The following MAPKAP1 variants were observed in gnomAD, a reference collection of about 807,000 sequenced individuals.
MAPKAP1 encodes MAPK associated protein 1.
Under a neutral mutation model 65.7 loss-of-function variants are expected in MAPKAP1, and 20 were observed. The observed-to-expected ratio is 0.30, with a 90% CI of 0.21 to 0.44. MAPKAP1 has a LOEUF of 0.44. MAPKAP1 is among the 20% of genes least tolerant of loss of function. The pLI is 1.00. For synonymous variants in MAPKAP1, 222 were observed against 244.3 expected (o/e 0.91, Z 0.85); for missense variants, 423 against 648.0 (o/e 0.65, Z 3.77).
chr9:125,706,816 T>C (rs934850069), intron 1 of MAPKAP1, among the ~76,000 whole-genome samples, 155 bp downstream of exon 1: 1 of 151,820 alleles, frequency 6.6e-6, no homozygotes, highest in Non-Finnish European at 1.5e-5. Context: ...GTTCTGGAAA[T>C]GGCCAGGAAA....
chr9:125,573,475 AG>A (rs1831301493), intron 5 of MAPKAP1, among the ~76,000 whole-genome samples: 1 of 152,234 alleles, frequency 6.6e-6, no homozygotes, highest in Admixed American at 6.5e-5. Context: ...CATATCAGCA[AG>A]AAATAACCAT....
chr9:125,692,931 T>C (rs1172709428), intron 1 of MAPKAP1, among the ~76,000 whole-genome samples: 1 of 152,210 alleles, frequency 6.6e-6, no homozygotes, highest in Non-Finnish European at 1.5e-5. Flanking sequence ...TCGTGACCTG[T>C]GTAAAGGTAA....
chr9:125,499,614 G>C (rs1482226224), intron 8 of MAPKAP1, among the ~76,000 whole-genome samples: 1 of 152,158 alleles, frequency 6.6e-6, no homozygotes, highest in African/African-American at 2.4e-5. Context: ...GTTCATGTTC[G>C]GAAGTAGAGT....
chr9:125,694,328 C>CA (rs549167983), intron 1 of MAPKAP1, among the ~76,000 whole-genome samples: 37 of 137,390 alleles, frequency 2.7e-4, no homozygotes, highest in South Asian at 4.7e-4. Context: ...ACTCCATTTC[C>CA]AAAAAAAAAA....
chr9:125,650,397 G>T (rs631287), intron 4 of MAPKAP1: 1 of 151,900 alleles, frequency 6.6e-6, no homozygotes, highest in Admixed American at 6.6e-5. Context: ...TTTTCACCAC[G>T]ATCTACTTCA....
chr9:125,697,677 ATTTC>A (rs1379633837), intron 1 of MAPKAP1, among the ~76,000 whole-genome samples: 2 of 152,304 alleles, frequency 1.3e-5, no homozygotes, highest in African/African-American at 2.4e-5. Context: ...GACATCTCTG[ATTTC>A]TTTAATAAAG....
chr9:125,608,915 CA>C (rs1371763752), intron 4 of MAPKAP1, among the ~76,000 whole-genome samples: 1 of 151,904 alleles, frequency 6.6e-6, no homozygotes, highest in Non-Finnish European at 1.5e-5. Flanking sequence ...TTTGGGCATG[CA>C]AAAAAATAGA....
At chr9:125,671,136 A>G (rs978840947) in intron 2 of MAPKAP1, among the ~76,000 whole-genome samples, 1 of 152,208 alleles carries the variant, frequency 6.6e-6, no homozygotes, top group Non-Finnish European at 1.5e-5. Context: ...GTCATATAAG[A>G]TATCATCTCA....
chr9:125,699,898 A>G (rs1194431576), intron 1 of MAPKAP1, among the ~76,000 whole-genome samples: 2 of 152,222 alleles, frequency 1.3e-5, no homozygotes, highest in African/African-American at 4.8e-5. Context: ...TAAAGGTGTG[A>G]GCCAGCAAAT....
intron 4 of MAPKAP1, among the ~76,000 whole-genome samples, chr9:125,643,704 C>T (rs994695681): frequency 7.2e-5 from 11 of 152,178 alleles, no homozygotes; most frequent in East Asian, 3.9e-4. Context: ...TTTGTATATA[C>T]GTTTCTGATT....
intron 9 of MAPKAP1, among the ~76,000 whole-genome samples, chr9:125,478,618 TCCTGC>T (rs1225867549): frequency 3.9e-5 from 6 of 152,138 alleles, no homozygotes; most frequent in Non-Finnish European, 5.9e-5. Context: ...ATCTGAGCCA[TCCTGC>T]CCAGTCTGGG....
chr9:125,542,872 G>A, intron 7 of MAPKAP1, 187 bp downstream of exon 7: 1 of 746,550 alleles, frequency 1.3e-6, no homozygotes, highest in South Asian at 1.4e-5. Context: ...ATATGCCGCT[G>A]ACCCAGTCCC....
chr9:125,498,336 G>A (rs530210053), intron 8 of MAPKAP1, among the ~76,000 whole-genome samples: 106 of 152,262 alleles, frequency 7.0e-4, no homozygotes, highest in African/African-American at 2.2e-3. Context: ...TCTCAGGGTC[G>A]ACTCTGGAAT....
intron 4 of MAPKAP1, among the ~76,000 whole-genome samples, chr9:125,637,007 G>A (rs1351365285): frequency 1.3e-5 from 2 of 152,154 alleles, no homozygotes; most frequent in African/African-American, 4.8e-5. Flanking sequence ...GGTGGCTCAC[G>A]CTTGTAATCC....
chr9:125,640,401 C>G (rs1833543876), intron 4 of MAPKAP1, among the ~76,000 whole-genome samples: 1 of 152,140 alleles, frequency 6.6e-6, no homozygotes, highest in Non-Finnish European at 1.5e-5. Flanking sequence ...CCATGCCCGG[C>G]CACATTCTGT....
At chr9:125,653,566 C>T (rs1469136168) in intron 4 of MAPKAP1, among the ~76,000 whole-genome samples, 1 of 152,156 alleles carries the variant, frequency 6.6e-6, no homozygotes, top group Non-Finnish European at 1.5e-5. Context: ...CAGAGTTCTT[C>T]CTGCCATTTC....
chr9:125,526,940 AT>A (rs1331456309), intron 7 of MAPKAP1, among the ~76,000 whole-genome samples: 2 of 151,150 alleles, frequency 1.3e-5, no homozygotes, highest in African/African-American at 4.9e-5. Flanking sequence ...CGCCCAGCTA[AT>A]TTTTTGTATT....
intron 4 of MAPKAP1, among the ~76,000 whole-genome samples, chr9:125,640,507 C>T (rs1024256932): frequency 2.6e-5 from 4 of 151,918 alleles, no homozygotes; most frequent in Non-Finnish European, 4.4e-5. Flanking sequence ...GCAAGACAAA[C>T]ATTAAATAAA....
intron 4 of MAPKAP1, among the ~76,000 whole-genome samples, chr9:125,591,638 C>T (rs1362375565): frequency 6.6e-6 from 1 of 152,120 alleles, no homozygotes; most frequent in Non-Finnish European, 1.5e-5. Context: ...GGGAAAAGTG[C>T]CTTGCACACT....
Sources: allele counts gnomAD v4.1 joint callset (sites outside exome capture counted in the v4.1 genomes callset), GRCh38; gene constraint gnomAD v4.1.1; transcripts MANE v1.5; gene names NCBI Gene and HGNC (gene_info 2026-07-23, HGNC 2026-07-21).